Variants in PLXNA1 observed in about 807,000 individuals in gnomAD.
PLXNA1 encodes the protein plexin A1, also known as plexin-A1.
PLXNA1 carries 77 observed loss-of-function variants against 191.7 expected under a neutral mutation model. The observed-to-expected ratio is 0.40, with a 90% CI of 0.33 to 0.49. The LOEUF (loss-of-function observed/expected upper bound fraction) is 0.49. PLXNA1 is among the 20% of genes least tolerant of loss of function. PLXNA1 has a pLI of 0.63. For synonymous variants in PLXNA1, 1,137 were observed against 1,156.4 expected, an observed-to-expected ratio of 0.98 and a Z score of 0.34; for missense variants, 2,110 against 2,660.2, an observed-to-expected ratio of 0.79 and a Z score of 4.55.
intron 14 of PLXNA1, 147 bp from the exon 15 acceptor site, chr3:127,015,037 G>T: frequency 1.5e-6 from 2 of 1,349,842 alleles, no homozygotes; most frequent in Non-Finnish European, 2.0e-6. Flanking sequence ...AAACCTGGAA[G>T]TACTGGCTCT....
At position 127,029,387 on chromosome 3, in the gene PLXNA1, G is replaced by T. The variant is rs79894821; in HGVS notation, c.4774-53G>T. ...TCCCCAGCCGGGGAGTGGGAGCCTG[G>T]TGGTGCAGGGGCACCCTGGTGGGTC... On this transcript the variant is annotated intron_variant, in intron 26 of 31. Coordinates refer to ENST00000393409, the MANE Select transcript of PLXNA1 (RefSeq NM_032242.4). 2.6e-3 allele frequency: 4,092 copies of T among 1,554,356 alleles called. 77 individuals carry two copies. In the African/African-American group the frequency reaches 0.048, roughly 18 times the overall value.
At position 127,014,559 on chromosome 3, in the gene PLXNA1, G is replaced by A. The variant is rs566200618; in HGVS notation, c.2686G>A (p.Val896Met). The A allele has an allele frequency of 1.2e-6, 2 of 1,612,538 alleles. No individual in the cohort carries two copies. Among genetic ancestry groups the A allele is most frequent in the Non-Finnish European group, 1.7e-6 (2 of 1,179,870 alleles). Reference sequence around the variant, plus strand: ...GAACCTGGGCCTGCGATTCGAAGACGTGCGTCTGGGCGTGCGCGTGGGCAA... The same window carrying A: ...GAACCTGGGCCTGCGATTCGAAGACATGCGTCTGGGCGTGCGCGTGGGCAA... ...GENLGLRFEDVRLGVRVGKVL... is the reference protein window; with the variant it reads ...GENLGLRFEDMRLGVRVGKVL... The change falls in exon 13 of 32, where the codon GTG becomes ATG. Residue 896 changes from valine to methionine, a missense_variant. By Grantham distance (21) the Val-to-Met change is conservative (BLOSUM62 1). Transcript: ENST00000393409.
chr3:127,012,304 T>C (rs2079100053), intron 10 of PLXNA1, 146 bp downstream of exon 10: 1 of 851,138 alleles, frequency 1.2e-6, no homozygotes, highest in East Asian at 2.7e-5. Context: ...CACTCCTGGC[T>C]TCCCCAGGCC....
In PLXNA1 at chr3:127,014,171, C is replaced by T; in HGVS notation, c.2411-11C>T. ...TGGGCGGGCCCGAGCTGACCGCACC[C>T]CTCCCCACAGCGCACCTCTACAAGT... On this transcript the variant is annotated splice_polypyrimidine_tract_variant and intron_variant, in intron 11 of 31. Coordinates refer to ENST00000393409, the MANE Select transcript of PLXNA1 (RefSeq NM_032242.4). 1 of 1,611,724 alleles carries T rather than the reference C, an allele frequency of 6.2e-7. No homozygotes were observed. The highest frequency in any genetic ancestry group is 8.5e-7 in the Non-Finnish European group (1 of 1,179,000).
At chr3:127,030,126 C>G in intron 28 of PLXNA1, 62 bp downstream of exon 28, 1 of 1,594,732 alleles carries the variant, frequency 6.3e-7, no homozygotes, top group East Asian at 2.2e-5. Context: ...GAGAAAGTGC[C>G]AAGCCCAGAG....
intron 23 of PLXNA1, among the ~76,000 whole-genome samples, chr3:127,024,143 C>T (rs891698537): frequency 2.6e-5 from 4 of 152,150 alleles, no homozygotes; most frequent in Non-Finnish European, 5.9e-5. Flanking sequence ...CAGCAGGCGT[C>T]CTGGGTGAGG....
At chr3:127,012,600 C>T (rs1402927242) in intron 10 of PLXNA1, among the ~76,000 whole-genome samples, 1 of 152,238 alleles carries the variant, frequency 6.6e-6, no homozygotes, top group Non-Finnish European at 1.5e-5. Context: ...GCGCATGGCT[C>T]CGTCCATCCC....
chr3:127,022,550 C>T lies in PLXNA1; in HGVS notation c.4296-202C>T, dbSNP rs545720895. Reference sequence around the variant, plus strand: ...GAGTCTCCATACACACAGGCCTGGGCTCTGGGCGAAGGACTGGGGTCTCCA... The same window carrying T: ...GAGTCTCCATACACACAGGCCTGGGTTCTGGGCGAAGGACTGGGGTCTCCA... On this transcript the variant is annotated intron_variant, in intron 22 of 31. Coordinates refer to ENST00000393409, the MANE Select transcript of PLXNA1 (RefSeq NM_032242.4). Among the ~76,000 whole-genome samples, 9 of 152,244 alleles carry T rather than the reference C, an allele frequency of 5.9e-5. No individual in the cohort carries two copies. In the South Asian group the frequency reaches 1.9e-3, roughly 32 times the overall value.
chr3:126,991,337 G>T, intron 2 of PLXNA1, 47 bp from the exon 3 acceptor site: 1 of 1,601,568 alleles, frequency 6.2e-7, no homozygotes, highest in Non-Finnish European at 8.5e-7. Context: ...CCAGTCCTCC[G>T]GGAGAAGGTG....
At position 126,994,788 on chromosome 3, in the gene PLXNA1, G is replaced by A. The variant is rs551168440; in HGVS notation, c.1377+3222G>A. ...GGGTAAGGAGGGCCATGCTGAGCCCGGCCCCTGGGCTGCCCTGCCTCCTTC... is the reference window on the plus strand; with the variant it reads ...GGGTAAGGAGGGCCATGCTGAGCCCAGCCCCTGGGCTGCCCTGCCTCCTTC... On this transcript the variant is annotated intron_variant, in intron 3 of 31. Transcript: ENST00000393409. 9.2e-5 allele frequency among the ~76,000 whole-genome samples: 14 copies of A among 152,236 alleles called. No homozygotes were observed. The East Asian group carries it at 2.3e-3, about 25-fold the overall frequency.
chr3:127,001,159 C>T (rs1194404159), intron 3 of PLXNA1, among the ~76,000 whole-genome samples: 4 of 152,280 alleles, frequency 2.6e-5, no homozygotes, highest in African/African-American at 9.6e-5. Context: ...GGGACCCCTC[C>T]TTGCACCCCT....
chr3:127,020,377 C>T (rs1310185635), intron 21 of PLXNA1, 33 bp downstream of exon 21: 3 of 1,606,828 alleles, frequency 1.9e-6, no homozygotes, highest in Non-Finnish European at 2.5e-6. Context: ...GTCACAGGAA[C>T]TCAGAGGCAG....
chr3:127,026,732 G>A (rs2079178324), intron 23 of PLXNA1: 1 of 152,414 alleles, frequency 6.6e-6, no homozygotes, highest in South Asian at 2.1e-4. Context: ...CAGAGCTGCT[G>A]TTTGTTTGCC....
Position 127,004,661 on chromosome 3 carries a change from G to A in PLXNA1, c.1569G>A (p.Leu523=), listed in dbSNP as rs1171675126. 1 of 1,588,754 alleles carries A rather than the reference G, an allele frequency of 6.3e-7. No homozygotes were observed. The highest frequency in any genetic ancestry group is 8.6e-7 in the Non-Finnish European group (1 of 1,167,902). Residue 523 remains leucine, a synonymous_variant, in exon 5 of 32, where the codon CTG becomes CTA. Coordinates refer to ENST00000393409, the MANE Select transcript of PLXNA1 (RefSeq NM_032242.4). The part of the protein sequence containing the change: ...ESCVQYTSCE[L]CLGSRDPHCG... The stretch of plus-strand genomic sequence containing the variant: ...GTGTGCAGTACACGTCCTGTGAGCT[G>A]TGTCTGGGGTCACGGGACCCCCACT...
At chr3:126,989,863 G>C (rs1002482430) in intron 2 of PLXNA1, 76 bp downstream of exon 2, 1 of 1,219,014 alleles carries the variant, frequency 8.2e-7, no homozygotes. Flanking sequence ...TCAGATGCAC[G>C]CCCAGTGGTG....
intron 2 of PLXNA1, among the ~76,000 whole-genome samples, chr3:126,991,021 G>A (rs1033976470): frequency 2.0e-5 from 3 of 151,962 alleles, no homozygotes; most frequent in African/African-American, 7.3e-5. Context: ...CCTGGCCCCT[G>A]CCAATGAACC....
chr3:126,985,027 C>G (rs1054181906), intron 1 of PLXNA1, among the ~76,000 whole-genome samples: 2 of 152,314 alleles, frequency 1.3e-5, no homozygotes, highest in African/African-American at 2.4e-5. Flanking sequence ...GTCTTCCCCC[C>G]CGGCTGCTGT....
chr3:126,995,465 G>T (rs1478697398), intron 3 of PLXNA1, among the ~76,000 whole-genome samples: 1 of 152,264 alleles, frequency 6.6e-6, no homozygotes, highest in Non-Finnish European at 1.5e-5. Context: ...AGGAAGCTGG[G>T]GAGAGCCTTG....
At chr3:127,031,879 G>A (rs13088855) in intron 29 of PLXNA1, 14 of 170,888 alleles carry the variant, frequency 8.2e-5, no homozygotes, top group Admixed American at 3.3e-4. Flanking sequence ...GTGGCTGAGT[G>A]TCTGGGCTCT....
Sources: allele counts gnomAD v4.1 joint callset (sites outside exome capture counted in the v4.1 genomes callset), GRCh38; gene constraint gnomAD v4.1.1; transcripts MANE v1.5; gene names NCBI Gene and HGNC (gene_info 2026-07-23, HGNC 2026-07-21).